FBXL17: variants seen among roughly 807,000 people sequenced by gnomAD.
FBXL17 encodes the protein F-box/LRR-repeat protein 17.
A neutral mutation model predicts 66.2 loss-of-function variants in FBXL17; 22 were observed. The ratio of observed to expected loss-of-function variants is 0.33; its 90% CI spans 0.24 to 0.47. FBXL17 has a LOEUF of 0.47. Ranked by LOEUF, FBXL17 falls within the 20% of genes least tolerant of loss-of-function variation. The pLI is 1.00. For synonymous variants in FBXL17, 474 were observed against 400.5 expected (o/e 1.18, Z -2.19); for missense variants, 878 against 948.2 (o/e 0.93, Z 0.97).
chr5:108,165,816 C>A lies in FBXL17; in HGVS notation c.1745+20301G>T, dbSNP rs1040763039. Among the ~76,000 whole-genome samples, 3 of 152,162 alleles carry A rather than the reference C, an allele frequency of 2.0e-5. No individual in the cohort carries two copies. The South Asian group carries it at 6.2e-4, about 32-fold the overall frequency. ...TCCATCCACTACCAGTCACAAGTGGCAGTGTTTATTAATCTGCTGCTTATT... is the reference window on the plus strand; with the variant it reads ...TCCATCCACTACCAGTCACAAGTGGAAGTGTTTATTAATCTGCTGCTTATT... On this transcript the variant is annotated intron_variant, in intron 6 of 8. Coordinates refer to ENST00000542267, the MANE Select transcript of FBXL17 (RefSeq NM_001163315.3).
intron 7 of FBXL17, among the ~76,000 whole-genome samples, chr5:107,966,833 C>T (rs940066239): frequency 2.0e-5 from 3 of 152,064 alleles, no homozygotes; most frequent in Non-Finnish European, 4.4e-5. Context: ...ATCTGCTTTC[C>T]TGTTTTGCAG....
chr5:108,320,296 C>T (rs1222398403), intron 4 of FBXL17, among the ~76,000 whole-genome samples: 1 of 151,578 alleles, frequency 6.6e-6, no homozygotes, highest in Non-Finnish European at 1.5e-5. Flanking sequence ...TAAATTCTTA[C>T]TATTTTTAAG....
intron 7 of FBXL17, among the ~76,000 whole-genome samples, chr5:107,889,383 T>C (rs1749116744): frequency 6.6e-6 from 1 of 152,202 alleles, no homozygotes; most frequent in Non-Finnish European, 1.5e-5. Context: ...ACTTTTTATT[T>C]AGAAACTCTG....
intron 7 of FBXL17, among the ~76,000 whole-genome samples, chr5:107,999,430 T>C (rs978482139): frequency 6.7e-6 from 1 of 148,236 alleles, no homozygotes. Context: ...AAATTTACTT[T>C]TTTTTTTTTA....
chr5:108,145,104 A>G (rs1205979739), intron 6 of FBXL17, among the ~76,000 whole-genome samples: 1 of 152,188 alleles, frequency 6.6e-6, no homozygotes, highest in African/African-American at 2.4e-5. Context: ...ATAATAGTAA[A>G]TTAGGATCAA....
intron 6 of FBXL17, among the ~76,000 whole-genome samples, chr5:108,157,291 A>C (rs1335776959): frequency 6.6e-6 from 1 of 151,878 alleles, no homozygotes; most frequent in Non-Finnish European, 1.5e-5. Flanking sequence ...AGACTTTTCC[A>C]TTGCAAATAA....
chr5:108,267,322 G>A (rs1757083909), intron 4 of FBXL17, among the ~76,000 whole-genome samples: 1 of 151,888 alleles, frequency 6.6e-6, no homozygotes, highest in South Asian at 2.1e-4. Flanking sequence ...TTTTACTACT[G>A]AACTAGAAAT....
chr5:108,380,933 C>A lies in FBXL17; in HGVS notation c.759G>T (p.Gln253His), dbSNP rs1397243360. Residue 253 changes from glutamine to histidine, a missense_variant, in exon 1 of 9, where the codon CAG (glutamine) becomes CAT (histidine). Gln to His is a conservative substitution (Grantham distance 24). Around this residue, in one of 4 missense-constraint regions of FBXL17, gnomAD observed 605 missense variants for 509.5 expected, o/e 1.19. Coordinates refer to ENST00000542267, the MANE Select transcript of FBXL17 (RefSeq NM_001163315.3). ...PDAGCCQAPEQPPQPLCPPPS... is the reference protein window; with the variant it reads ...PDAGCCQAPEHPPQPLCPPPS... ...GCGGAGGGCAGAGCGGCTGCGGGGG[C>A]TGCTCCGGGGCCTGGCAGCAGCCGG... 9.8e-6 allele frequency: 12 copies of A among 1,221,720 alleles called. No individual in the cohort carries two copies. The highest frequency in any genetic ancestry group is 1.1e-5 in the Non-Finnish European group (11 of 979,130). The allele number at this position is 1,221,720 out of a possible 1,614,324, so 75.7% of individuals were successfully genotyped here. A position where few individuals can be genotyped will look rare whatever the true frequency, so the allele number is the denominator to read the frequency against.
intron 7 of FBXL17, among the ~76,000 whole-genome samples, chr5:107,924,985 G>C (rs1490846482): frequency 6.6e-6 from 1 of 152,164 alleles, no homozygotes; most frequent in African/African-American, 2.4e-5. Flanking sequence ...CAAGGACAAA[G>C]ATTTTTATCA....
intron 6 of FBXL17, among the ~76,000 whole-genome samples, chr5:108,165,181 C>A (rs1449356412): frequency 6.6e-6 from 1 of 152,104 alleles, no homozygotes; most frequent in East Asian, 1.9e-4. Flanking sequence ...TAAAATCTTA[C>A]CACTAACCTG....
At chr5:108,033,410 G>A (rs1438130688) in intron 6 of FBXL17, among the ~76,000 whole-genome samples, 1 of 152,058 alleles carries the variant, frequency 6.6e-6, no homozygotes, top group African/African-American at 2.4e-5. Context: ...AAAGCAATCG[G>A]TTTTGACAAA....
intron 7 of FBXL17, among the ~76,000 whole-genome samples, chr5:107,926,137 A>C (rs1209366746): frequency 6.6e-6 from 1 of 152,180 alleles, no homozygotes; most frequent in African/African-American, 2.4e-5. Flanking sequence ...GCTCCTAGAA[A>C]AGTACCTAAA....
rs182921342 is a variant in FBXL17, at chr5:108,055,035, T to C, written c.1746-34034A>G. On this transcript the variant is annotated intron_variant, in intron 6 of 8. Coordinates refer to ENST00000542267, the MANE Select transcript of FBXL17 (RefSeq NM_001163315.3). ...AGAGTTTTAAAGACACTGAAAACTCTTGAATGCCAAGCATGTAATAATGTC... is the reference window on the plus strand; with the variant it reads ...AGAGTTTTAAAGACACTGAAAACTCCTGAATGCCAAGCATGTAATAATGTC... 1.1e-3 allele frequency among the ~76,000 whole-genome samples: 160 copies of C among 152,258 alleles called. 1 individual carries two copies. The South Asian group carries it at 0.014, about 13-fold the overall frequency.
chr5:108,206,070 G>A (rs1754104893), intron 5 of FBXL17, among the ~76,000 whole-genome samples: 1 of 152,014 alleles, frequency 6.6e-6, no homozygotes. Context: ...ATTCCTACAT[G>A]GGAATATCAA....
chr5:108,152,706 G>T (rs1751818440), intron 6 of FBXL17, among the ~76,000 whole-genome samples: 1 of 152,150 alleles, frequency 6.6e-6, no homozygotes, highest in African/African-American at 2.4e-5. Context: ...AATTCAGGGA[G>T]CATCATGTAT....
At chr5:107,995,331 C>G (rs1753428243) in intron 7 of FBXL17, among the ~76,000 whole-genome samples, 1 of 152,102 alleles carries the variant, frequency 6.6e-6, no homozygotes, top group Non-Finnish European at 1.5e-5. Context: ...TTATTTAAAA[C>G]ACATGCTGTT....
At chr5:108,123,819 A>G (rs1750594032) in intron 6 of FBXL17, among the ~76,000 whole-genome samples, 2 of 152,170 alleles carry the variant, frequency 1.3e-5, no homozygotes, top group Admixed American at 6.5e-5. Context: ...AAAACTTAAC[A>G]TTCCTAAATG....
At position 108,053,140 on chromosome 5, in the gene FBXL17, A is replaced by C. The variant is rs117747366; in HGVS notation, c.1746-32139T>G. Among the ~76,000 whole-genome samples, 166 of 152,358 alleles carry C rather than the reference A, an allele frequency of 1.1e-3. 4 individuals carry two copies. The East Asian group carries it at 0.027, about 24-fold the overall frequency. On this transcript the variant is annotated intron_variant, in intron 6 of 8. Transcript: ENST00000542267. ...TACCATTCAGGACATAGGCAGTGGC[A>C]AAGACTTCAGGACAAAATGCCAAAA...
intron 2 of FBXL17, 33 bp downstream of exon 2, chr5:108,367,798 C>T: frequency 1.3e-6 from 2 of 1,530,538 alleles, no homozygotes; most frequent in Admixed American, 2.1e-5. Context: ...TTGAGTAGGT[C>T]ATATGAGTGT....
Sources: allele counts gnomAD v4.1 joint callset (sites outside exome capture counted in the v4.1 genomes callset), GRCh38; gene constraint gnomAD v4.1.1; regional missense constraint gnomAD v4.1.1; transcripts MANE v1.5; gene names NCBI Gene and HGNC (gene_info 2026-07-23, HGNC 2026-07-21).